EPB41L4B: variants seen among roughly 807,000 people sequenced by gnomAD.
The protein encoded by EPB41L4B is erythrocyte membrane protein band 4.1 like 4B.
In EPB41L4B, 30 loss-of-function variants were observed where a neutral mutation model predicts 112.5. The ratio of observed to expected loss-of-function variants is 0.27; its 90% CI spans 0.20 to 0.36. The LOEUF is 0.36. EPB41L4B is among the 10% of genes least tolerant of loss of function. The pLI is 1.00. For missense variants in EPB41L4B, 1,024 were observed against 1,133.3 expected (o/e 0.90, Z 1.38); for synonymous variants, 408 against 439.7 (o/e 0.93, Z 0.90).
intron 16 of EPB41L4B, among the ~76,000 whole-genome samples, chr9:109,216,391 A>G (rs1833366927): frequency 6.6e-6 from 1 of 152,218 alleles, no homozygotes; most frequent in South Asian, 2.1e-4. Flanking sequence ...CTGTAATCCT[A>G]GCACTTTGGG....
chr9:109,314,634 A>ACCCCC (rs371227056), intron 1 of EPB41L4B, among the ~76,000 whole-genome samples: 2 of 131,330 alleles, frequency 1.5e-5, no homozygotes, highest in African/African-American at 6.9e-5. Flanking sequence ...CCCCTCTCTC[A>ACCCCC]CCCCCCCCCA....
intron 9 of EPB41L4B, 61 bp from the exon 10 acceptor site, chr9:109,255,904 T>C (rs1485221026): frequency 1.9e-5 from 28 of 1,445,074 alleles, no homozygotes; most frequent in Non-Finnish European, 2.7e-5. Flanking sequence ...ACACATCAAA[T>C]AGCAGTTTCC....
At chr9:109,274,076 C>T (rs546278645) in intron 2 of EPB41L4B, among the ~76,000 whole-genome samples, 7 of 152,300 alleles carry the variant, frequency 4.6e-5, no homozygotes, top group African/African-American at 1.4e-4. Flanking sequence ...TGCAGCCCTG[C>T]GCCTCTCACT....
chr9:109,207,300 T>C (rs1833018522), intron 18 of EPB41L4B, among the ~76,000 whole-genome samples: 1 of 152,170 alleles, frequency 6.6e-6, no homozygotes, highest in Non-Finnish European at 1.5e-5. Flanking sequence ...GCTGGCACAA[T>C]GGCTCATGCC....
intron 15 of EPB41L4B, among the ~76,000 whole-genome samples, chr9:109,237,910 G>A (rs1834206419): frequency 6.6e-6 from 1 of 152,008 alleles, no homozygotes; most frequent in Non-Finnish European, 1.5e-5. Context: ...GATGGCTGGA[G>A]GGAGTGGATG....
chr9:109,233,529 C>CT (rs1279102986), intron 15 of EPB41L4B, among the ~76,000 whole-genome samples: 10,291 of 132,656 alleles, frequency 0.078, 1,030 homozygotes, highest in African/African-American at 0.2. Flanking sequence ...TGGGAACCTA[C>CT]TTTTTTTTTT....
chr9:109,199,269 A>T (rs1311206516), intron 20 of EPB41L4B, among the ~76,000 whole-genome samples: 1 of 152,092 alleles, frequency 6.6e-6, no homozygotes, highest in Non-Finnish European at 1.5e-5. Context: ...GCAGCTTCTG[A>T]TGTGGGTTGC....
chr9:109,202,446 C>T (rs1366652320), intron 19 of EPB41L4B, among the ~76,000 whole-genome samples: 1 of 152,204 alleles, frequency 6.6e-6, no homozygotes, highest in Non-Finnish European at 1.5e-5. Flanking sequence ...ACCCACCACA[C>T]ACATTCACAC....
rs1463205113 is a variant in EPB41L4B, at chr9:109,271,326, C to T, written c.412-2893G>A. ...ATGAAAAGTCTGGGGCTGGTGAAGC[C>T]GAGAATGGAATCAGAAACGGCTTCC... On this transcript the variant is annotated intron_variant, in intron 2 of 25. Transcript: ENST00000374566. Among the ~76,000 whole-genome samples the T allele has an allele frequency of 3.3e-5, 5 of 152,172 alleles. No individual in the cohort carries two copies. The East Asian group carries it at 7.7e-4, about 23-fold the overall frequency.
rs114868849 is a variant in EPB41L4B at position 109,180,283 on chromosome 9, C to T, written c.2487+2446G>A. On this transcript the variant is annotated intron_variant, in intron 24 of 25. Transcript: ENST00000374566. ...CATGGTTTCTGCCATTGGCTTCCTGCTCCATCTTGGCCCCCAGCTTTCGGG... is the reference window on the plus strand; with the variant it reads ...CATGGTTTCTGCCATTGGCTTCCTGTTCCATCTTGGCCCCCAGCTTTCGGG... Among the ~76,000 whole-genome samples, 444 of 152,336 alleles carry T rather than the reference C, an allele frequency of 2.9e-3. 2 individuals carry two copies. Among genetic ancestry groups the T allele is most frequent in the African/African-American group, 0.01 (423 of 41,574 alleles).
At position 109,256,186 on chromosome 9, in the gene EPB41L4B, C is replaced by T. The variant is rs770409658; in HGVS notation, c.879G>A (p.Pro293=). The change falls in exon 9 of 26, where the codon CCG becomes CCA. Residue 293 remains proline, a synonymous_variant. Transcript: ENST00000374566. ...DGCEYSLGLT[P]TGILIFEGAN... is the part of the protein sequence containing the mutation. ...CTCCTTCAAAGATTAATATGCCTGT[C>T]GGGGTCAGTCCAAGAGAATATTCAC... is the stretch of plus-strand genomic sequence containing the variant. The T allele has an allele frequency of 5.2e-5, 84 of 1,614,016 alleles. No homozygotes were observed. The highest frequency in any genetic ancestry group is 4.4e-5 in the South Asian group (4 of 91,080).
At chr9:109,283,779 C>T (rs910678343) in intron 1 of EPB41L4B, among the ~76,000 whole-genome samples, 1 of 151,914 alleles carries the variant, frequency 6.6e-6, no homozygotes, top group Non-Finnish European at 1.5e-5. Context: ...CTCAATAAAC[C>T]TATTATAAGT....
chr9:109,231,904 C>T (rs1833962413), intron 15 of EPB41L4B, among the ~76,000 whole-genome samples: 1 of 150,376 alleles, frequency 6.6e-6, no homozygotes, highest in South Asian at 2.1e-4. Flanking sequence ...CAAGTTTATT[C>T]AATCTTTTTC....
intron 1 of EPB41L4B, among the ~76,000 whole-genome samples, chr9:109,304,584 A>G (rs540956353): frequency 6.6e-6 from 1 of 152,288 alleles, no homozygotes; most frequent in South Asian, 2.1e-4. Flanking sequence ...TGCAGGGGCC[A>G]AGAGTACTTA....
At chr9:109,297,677 C>T (rs1836789555) in intron 1 of EPB41L4B, among the ~76,000 whole-genome samples, 1 of 152,216 alleles carries the variant, frequency 6.6e-6, no homozygotes, top group Non-Finnish European at 1.5e-5. Flanking sequence ...TGCGTGGCAG[C>T]CCCTGGATGC....
chr9:109,179,460 G>A (rs1367445193), intron 24 of EPB41L4B, among the ~76,000 whole-genome samples: 1 of 152,196 alleles, frequency 6.6e-6, no homozygotes, highest in South Asian at 2.1e-4. Flanking sequence ...TGAAGCCCAT[G>A]AGCTTGGCTT....
chr9:109,292,666 A>G (rs1836576198), intron 1 of EPB41L4B, among the ~76,000 whole-genome samples: 1 of 152,222 alleles, frequency 6.6e-6, no homozygotes, highest in African/African-American at 2.4e-5. Context: ...TGTCAGTTTC[A>G]GTATTATTCT....
At chr9:109,265,559 C>CACAA (rs1337531107) in intron 4 of EPB41L4B, among the ~76,000 whole-genome samples, 2 of 151,678 alleles carry the variant, frequency 1.3e-5, no homozygotes, top group Non-Finnish European at 2.9e-5. Context: ...CAAACACACA[C>CACAA]ACACACACAC....
intron 18 of EPB41L4B, among the ~76,000 whole-genome samples, chr9:109,204,885 C>T (rs1326833069): frequency 1.3e-5 from 2 of 152,166 alleles, no homozygotes; most frequent in Non-Finnish European, 1.5e-5. Flanking sequence ...TGCACTGATG[C>T]CAATAGGGGA....
Sources: allele counts gnomAD v4.1 joint callset (sites outside exome capture counted in the v4.1 genomes callset), GRCh38; gene constraint gnomAD v4.1.1; transcripts MANE v1.5; gene names NCBI Gene and HGNC (gene_info 2026-07-23, HGNC 2026-07-21).